Variants in MLLT1 observed in about 807,000 individuals in gnomAD.
MLLT1 encodes MLLT1 super elongation complex subunit.
A neutral mutation model predicts 55.1 loss-of-function variants in MLLT1; 11 were observed. That is an observed-to-expected ratio of 0.20 (90% CI 0.13 to 0.33). The LOEUF (loss-of-function observed/expected upper bound fraction) is 0.33, where lower values mean the gene tolerates loss of function less well. Ranked by LOEUF, MLLT1 falls within the 10% of genes least tolerant of loss-of-function variation. The pLI is 1.00. For synonymous variants in MLLT1, 323 were observed against 320.1 expected (o/e 1.01, Z -0.10); for missense variants, 536 against 760.6 (o/e 0.70, Z 3.47).
rs1289123957 is a variant in MLLT1 at position 6,229,484 on chromosome 19, G to A, written c.420+1086C>T. Among the ~76,000 whole-genome samples the A allele has an allele frequency of 6.6e-6, 1 of 151,786 alleles. No homozygotes were observed. Among genetic ancestry groups the A allele is most frequent in the East Asian group, 1.9e-4 (1 of 5,172 alleles). On this transcript the variant is annotated intron_variant, in intron 4 of 11. Transcript: ENST00000252674. The surrounding 1 kb of genome is among the most constrained non-coding windows in gnomAD (Gnocchi z 5.2). ...GGTGCCCCAAATCCACTCAGGAGGC[G>A]ACCCACCCCACCCGCATACCCCACA... is the stretch of plus-strand genomic sequence containing the variant.
In MLLT1 at chr19:6,270,459, G is replaced by C; in HGVS notation, c.193+120C>G. 1 of 1,106,454 alleles carries C rather than the reference G, an allele frequency of 9.0e-7. No individual in the cohort carries two copies. The highest frequency in any genetic ancestry group is 1.3e-6 in the Non-Finnish European group (1 of 790,350). 68.5% of individuals were successfully genotyped at this position (1,106,454 alleles called of 1,614,324 possible). On this transcript the variant is annotated intron_variant, in intron 2 of 11. Coordinates refer to ENST00000252674, the MANE Select transcript of MLLT1 (RefSeq NM_005934.4). This position sits in a 1 kb window ranked among gnomAD's most constrained non-coding sequence, Gnocchi z 7.1. ...AGTGCCCCCACGCCGAGGGACGCAA[G>C]CTGGAACCTCATGGTTGGAGGGGTC...
intron 2 of MLLT1, among the ~76,000 whole-genome samples, chr19:6,267,393 C>A (rs2091357360): frequency 2.0e-5 from 2 of 100,214 alleles, no homozygotes; most frequent in South Asian, 3.5e-4. Context: ...CCGCACCCGG[C>A]CAAAAAATTA....
Position 6,270,090 on chromosome 19 carries a change from G to A in MLLT1, c.193+489C>T, listed in dbSNP as rs557827301. Among the ~76,000 whole-genome samples, 6 of 151,698 alleles carry A rather than the reference G, an allele frequency of 4.0e-5. No homozygotes were observed. In the South Asian group the frequency reaches 6.3e-4, roughly 16 times the overall value. ...GGGCCCCCACGCCACAGGTGGAGACGCTGACAGAATACACGACTGAGGCAC... is the reference window on the plus strand; with the variant it reads ...GGGCCCCCACGCCACAGGTGGAGACACTGACAGAATACACGACTGAGGCAC... On this transcript the variant is annotated intron_variant, in intron 2 of 11. Transcript: ENST00000252674. The surrounding 1 kb of genome is among the most constrained non-coding windows in gnomAD (Gnocchi z 7.1).
At chr19:6,216,782 C>T (rs758303298) in intron 7 of MLLT1, 5 of 464,808 alleles carry the variant, frequency 1.1e-5, no homozygotes, top group Non-Finnish European at 1.5e-5. Flanking sequence ...CGGCAGTGGG[C>T]GCGCAGGGCC....
Position 6,212,211 on chromosome 19 carries a change from C to T in MLLT1, c.*831G>A, listed in dbSNP as rs558543840. ...AGCCCGAGAGCAGACTGGTGGCTCC[C>T]GGGCGCCCTGAGGACTCGCTGCCCT... is the stretch of plus-strand genomic sequence containing the variant. On this transcript the variant is annotated 3_prime_UTR_variant, in exon 12 of 12. Coordinates refer to ENST00000252674, the MANE Select transcript of MLLT1 (RefSeq NM_005934.4). The T allele has an allele frequency of 1.2e-5, 13 of 1,066,118 alleles. No homozygotes were observed. The South Asian group carries it at 1.4e-4, about 11-fold the overall frequency. 66.0% of individuals were successfully genotyped at this position (1,066,118 alleles called of 1,614,324 possible). A position where few individuals can be genotyped will look rare whatever the true frequency, so the allele number is the denominator to read the frequency against.
At position 6,231,067 on chromosome 19, in the gene MLLT1, C is replaced by A. The variant is rs1238926496; in HGVS notation, c.277-354G>T. On this transcript the variant is annotated intron_variant, in intron 3 of 11. Coordinates refer to ENST00000252674, the MANE Select transcript of MLLT1 (RefSeq NM_005934.4). The surrounding 1 kb of genome is among the most constrained non-coding windows in gnomAD (Gnocchi z 5.1). ...AACTAACACGTGGCAGCACTGAGAC[C>A]TGCCCCAGGCCTCTGAGGCCCACAA... is the stretch of plus-strand genomic sequence containing the variant. 6.6e-6 allele frequency among the ~76,000 whole-genome samples: 1 copy of A among 152,234 alleles called. No individual in the cohort carries two copies. The highest frequency in any genetic ancestry group is 1.9e-4 in the East Asian group (1 of 5,192).
At chr19:6,243,883 A>C (rs2144904412) in intron 3 of MLLT1, among the ~76,000 whole-genome samples, 1 of 151,926 alleles carries the variant, frequency 6.6e-6, no homozygotes, top group South Asian at 2.1e-4. Context: ...CTCTACTAAA[A>C]ATACAAAAAA....
Position 6,229,652 on chromosome 19 carries a change from C to T in MLLT1, c.420+918G>A. Among the ~76,000 whole-genome samples, 1 of 151,798 alleles carries T rather than the reference C, an allele frequency of 6.6e-6. No homozygotes were observed. The highest frequency in any genetic ancestry group is 1.5e-5 in the Non-Finnish European group (1 of 67,912). ...CACACACCATACATGACACAGCAGA[C>T]AGCGTATGTACATACCACACAACAC... On this transcript the variant is annotated intron_variant, in intron 4 of 11. Transcript: ENST00000252674. This position sits in a 1 kb window ranked among gnomAD's most constrained non-coding sequence, Gnocchi z 5.2.
chr19:6,260,073 G>A lies in MLLT1; in HGVS notation c.276+2155C>T, dbSNP rs577618883. Among the ~76,000 whole-genome samples, 4 of 152,298 alleles carry A rather than the reference G, an allele frequency of 2.6e-5. No homozygotes were observed. In the South Asian group the frequency reaches 8.3e-4, roughly 32 times the overall value. On this transcript the variant is annotated intron_variant, in intron 3 of 11. Transcript: ENST00000252674. ...GAGGAACCAGGCAACAGGAGCTCTA[G>A]AGGAACATGGGGTCCCATGCCCCCC... is the stretch of plus-strand genomic sequence containing the variant.
At chr19:6,215,875 A>C (rs1035689691) in intron 8 of MLLT1, among the ~76,000 whole-genome samples, 2 of 152,140 alleles carry the variant, frequency 1.3e-5, no homozygotes, top group African/African-American at 4.8e-5. Context: ...GGTCACGCCA[A>C]GGGTCCTGCA....
At chr19:6,223,021 C>T (rs944526098) in intron 5 of MLLT1, among the ~76,000 whole-genome samples, 1 of 152,090 alleles carries the variant, frequency 6.6e-6, no homozygotes, top group Non-Finnish European at 1.5e-5. Flanking sequence ...CGCCCTAACA[C>T]CTCACAGCTG....
chr19:6,242,982 A>G (rs2091130107), intron 3 of MLLT1, among the ~76,000 whole-genome samples: 1 of 152,244 alleles, frequency 6.6e-6, no homozygotes, highest in Non-Finnish European at 1.5e-5. Flanking sequence ...CAGCACTGGC[A>G]TGAAAGCGAC....
chr19:6,237,567 C>T (rs112870293), intron 3 of MLLT1, among the ~76,000 whole-genome samples: 7,436 of 148,578 alleles, frequency 0.05, 296 homozygotes, highest in Non-Finnish European at 0.064. Context: ...ACCATCCTGG[C>T]TAACACAGTG....
At position 6,212,974 on chromosome 19, in the gene MLLT1, A is replaced by C. The variant is rs1174818048; in HGVS notation, c.*68T>G. ...CTGCGGGCAGGCGAGACGGGAGAGG[A>C]GGGCAGGCGAGGCCTGGCTGCAGCC... is the stretch of plus-strand genomic sequence containing the variant. On this transcript the variant is annotated 3_prime_UTR_variant, in exon 12 of 12. Transcript: ENST00000252674. 2 of 1,580,320 alleles carry C rather than the reference A, an allele frequency of 1.3e-6. No homozygotes were observed. Among genetic ancestry groups the C allele is most frequent in the African/African-American group, 2.7e-5 (2 of 74,080 alleles).
At chr19:6,269,876 T>C (rs2091380998) in intron 2 of MLLT1, among the ~76,000 whole-genome samples, 1 of 152,190 alleles carries the variant, frequency 6.6e-6, no homozygotes, top group South Asian at 2.1e-4. Context: ...GGCTTCACAC[T>C]GGCGACTCAG....
At chr19:6,277,055 T>TG (rs1163131609) in intron 1 of MLLT1, among the ~76,000 whole-genome samples, 5 of 152,176 alleles carry the variant, frequency 3.3e-5, no homozygotes, top group Admixed American at 6.5e-5. Flanking sequence ...TTGTGGCATC[T>TG]GGGGGGCTAG....
intron 5 of MLLT1, among the ~76,000 whole-genome samples, chr19:6,224,785 A>T (rs2090937999): frequency 1.3e-5 from 2 of 152,174 alleles, no homozygotes; most frequent in South Asian, 4.1e-4. Flanking sequence ...GCTGGAGTGC[A>T]GTGGTGCGAT....
chr19:6,255,879 C>T (rs1051631126), intron 3 of MLLT1, among the ~76,000 whole-genome samples: 9 of 152,228 alleles, frequency 5.9e-5, no homozygotes, highest in Non-Finnish European at 1.3e-4. Context: ...GTAATTCCAG[C>T]ATTTTCGGGG....
At chr19:6,248,458 C>G (rs751030862) in intron 3 of MLLT1, among the ~76,000 whole-genome samples, 7 of 152,154 alleles carry the variant, frequency 4.6e-5, no homozygotes, top group Non-Finnish European at 7.4e-5. Context: ...ACCAGGAGAT[C>G]AAGGTCAACC....
Sources: gnomAD v4.1 joint callset for allele counts (sites outside exome capture counted in the v4.1 genomes callset) on GRCh38, gnomAD v4.1.1 for gene constraint, Gnocchi (gnomAD v3.1) non-coding constraint, MANE v1.5 for transcripts, NCBI Gene and HGNC (gene_info 2026-07-23, HGNC 2026-07-21) for gene names.